COL4A6: variants seen among roughly 807,000 people sequenced by gnomAD.
The protein encoded by COL4A6 is collagen type IV alpha 6 chain.
In COL4A6, 59 loss-of-function variants were observed where a neutral mutation model predicts 126.7. That is an observed-to-expected ratio of 0.47 (90% CI 0.38 to 0.58). The LOEUF is 0.58. Among genes scored for constraint, COL4A6 ranks in the 20% least tolerant of loss-of-function variants. COL4A6 has a pLI of 0.00. For synonymous variants in COL4A6, 547 were observed against 496.6 expected (o/e 1.10, Z -1.35); for missense variants, 1,285 against 1,337.3 (o/e 0.96, Z 0.61).
At chrX:108,432,057 G>A (rs1161505682) in intron 2 of COL4A6, among the ~76,000 whole-genome samples, 1 of 112,410 alleles carries the variant, frequency 8.9e-6, no homozygotes, top group Non-Finnish European at 1.9e-5. Flanking sequence ...CTGCATATAC[G>A]GTGGTCACCT....
At chrX:108,414,225 T>C (rs1342490619) in intron 2 of COL4A6, among the ~76,000 whole-genome samples, 1 of 112,258 alleles carries the variant, frequency 8.9e-6, no homozygotes, top group African/African-American at 3.2e-5. Flanking sequence ...GAAAGCTTGA[T>C]GCCATTTTGT....
chrX:108,185,793 A>G (rs1392811939), intron 23 of COL4A6, among the ~76,000 whole-genome samples: 1 of 112,277 alleles, frequency 8.9e-6, no homozygotes. Flanking sequence ...AAGTAAAAGC[A>G]GTAATAGAAG....
intron 2 of COL4A6, among the ~76,000 whole-genome samples, chrX:108,335,073 G>A (rs928063518): frequency 8.9e-6 from 1 of 112,133 alleles, no homozygotes; most frequent in African/African-American, 3.2e-5. Flanking sequence ...TTTTGTTATG[G>A]TGTAATTTCA....
At chrX:108,161,498 TGTC>T (rs1569321640) in intron 42 of COL4A6, 118 bp downstream of exon 42, 5 of 472,213 alleles carry the variant, frequency 1.1e-5, no homozygotes, top group Non-Finnish European at 1.9e-5. Context: ...ATCTTAGGAG[TGTC>T]AAGCTCTACC....
intron 2 of COL4A6, among the ~76,000 whole-genome samples, chrX:108,412,562 T>A (rs1176424731): frequency 1.8e-5 from 2 of 111,655 alleles, no homozygotes; most frequent in African/African-American, 3.3e-5. Context: ...TTGTAGGAGA[T>A]CTGTAAAGCT....
chrX:108,228,829 A>G (rs1014674186), intron 3 of COL4A6, among the ~76,000 whole-genome samples: 3 of 112,465 alleles, frequency 2.7e-5, no homozygotes, highest in Non-Finnish European at 5.6e-5. Context: ...TCAAGATGAG[A>G]TTTGGGTGGG....
chrX:108,417,379 T>C (rs1032037769), intron 2 of COL4A6, among the ~76,000 whole-genome samples: 6 of 112,246 alleles, frequency 5.3e-5, no homozygotes, highest in Non-Finnish European at 1.1e-4. Flanking sequence ...ATCATCCTTT[T>C]GCCACTGTTA....
intron 2 of COL4A6, among the ~76,000 whole-genome samples, chrX:108,355,663 C>T (rs1335602826): frequency 8.9e-6 from 1 of 111,873 alleles, no homozygotes; most frequent in Admixed American, 9.5e-5. Context: ...ATTGGGTGGA[C>T]AGGGAATGCC....
chrX:108,236,970 G>C (rs1262366832), intron 3 of COL4A6, among the ~76,000 whole-genome samples: 1 of 111,557 alleles, frequency 9.0e-6, no homozygotes, highest in African/African-American at 3.3e-5. Context: ...TTGCCCAAAG[G>C]CTCTTGTCTC....
intron 19 of COL4A6, 142 bp from the exon 20 acceptor site, chrX:108,190,638 C>G: frequency 2.5e-6 from 1 of 393,685 alleles, no homozygotes; most frequent in South Asian, 4.8e-5. Context: ...AATTCAAGAC[C>G]GGGACCCCAA....
intron 2 of COL4A6, among the ~76,000 whole-genome samples, chrX:108,336,729 G>A (rs2039440139): frequency 9.0e-6 from 1 of 110,934 alleles, no homozygotes; most frequent in Non-Finnish European, 1.9e-5. Flanking sequence ...CCTAACTATG[G>A]GTTTTGCTCC....
intron 2 of COL4A6, among the ~76,000 whole-genome samples, chrX:108,425,749 C>G (rs925165562): frequency 2.7e-5 from 3 of 109,629 alleles, no homozygotes; most frequent in Non-Finnish European, 3.8e-5. Context: ...CACACACACA[C>G]ACACACACAC....
chrX:108,376,725 A>C (rs185517884), intron 2 of COL4A6, among the ~76,000 whole-genome samples: 262 of 113,226 alleles, frequency 2.3e-3, no homozygotes, highest in African/African-American at 8.2e-3. Flanking sequence ...CAGCTTATTT[A>C]TTTGTTTTGT....
intron 3 of COL4A6, among the ~76,000 whole-genome samples, chrX:108,242,914 A>G (rs958462642): frequency 2.7e-5 from 3 of 111,732 alleles, no homozygotes; most frequent in Non-Finnish European, 5.6e-5. Flanking sequence ...GCATATAAAA[A>G]GCTCACATAG....
At chrX:108,172,204 G>A (rs2034325384) in intron 32 of COL4A6, among the ~76,000 whole-genome samples, 1 of 108,409 alleles carries the variant, frequency 9.2e-6, no homozygotes, top group African/African-American at 3.4e-5. Context: ...ACAAAAATTA[G>A]CCGGGTGTGG....
intron 2 of COL4A6, among the ~76,000 whole-genome samples, chrX:108,328,992 T>C (rs2039229716): frequency 8.9e-6 from 1 of 111,958 alleles, no homozygotes; most frequent in African/African-American, 3.2e-5. Flanking sequence ...TGATCTCATG[T>C]GTGAAATCTA....
chrX:108,164,552 G>A, intron 40 of COL4A6, 48 bp downstream of exon 40: 2 of 1,117,390 alleles, frequency 1.8e-6, no homozygotes, highest in Non-Finnish European at 2.5e-6. Flanking sequence ...TTACCACCAG[G>A]CCCCTCCCTC....
intron 2 of COL4A6, among the ~76,000 whole-genome samples, chrX:108,330,331 C>T (rs2039266156): frequency 9.0e-6 from 1 of 111,275 alleles, no homozygotes. Context: ...CATAAGACAC[C>T]GCTTTGAAAA....
At chrX:108,370,498 T>C (rs1311538292) in intron 2 of COL4A6, among the ~76,000 whole-genome samples, 1 of 111,911 alleles carries the variant, frequency 8.9e-6, no homozygotes, top group Non-Finnish European at 1.9e-5. Flanking sequence ...AGGGATTTGC[T>C]ACTGTATATG....
Sources: gnomAD v4.1 joint callset for allele counts (sites outside exome capture counted in the v4.1 genomes callset) on GRCh38, gnomAD v4.1.1 for gene constraint, MANE v1.5 for transcripts, NCBI Gene and HGNC (gene_info 2026-07-23, HGNC 2026-07-21) for gene names.